WAC: variants seen among roughly 807,000 people sequenced by gnomAD.
WAC encodes WW domain containing adaptor with coiled-coil.
In WAC, 11 loss-of-function variants were observed where a neutral mutation model predicts 79.6. That is an observed-to-expected ratio of 0.14 (90% CI 0.09 to 0.23). The LOEUF (loss-of-function observed/expected upper bound fraction) is 0.23, where lower values mean the gene tolerates loss of function less well. WAC is among the 10% of genes least tolerant of loss of function. WAC has a pLI of 1.00. For missense variants in WAC, 728 were observed against 773.5 expected, an observed-to-expected ratio of 0.94 and a Z score of 0.70; for synonymous variants, 304 against 276.9, an observed-to-expected ratio of 1.10 and a Z score of -0.97.
intron 3 of WAC, among the ~76,000 whole-genome samples, chr10:28,541,239 A>C (rs1837002629): frequency 6.6e-6 from 1 of 151,966 alleles, no homozygotes; most frequent in Non-Finnish European, 1.5e-5. Flanking sequence ...AGCATCTGTT[A>C]CCTTATTCTG....
chr10:28,533,176 GC>G lies in WAC; in HGVS notation c.-403del. On this transcript the variant is annotated 5_prime_UTR_variant, in exon 1 of 14. Transcript: ENST00000354911. ...GGCGGCACCAGCGGCGGCGGCGGCG[GC>G]GGGAGGAGGAGGAGGAGAAGAAGGA... 1 of 171,886 alleles carries G rather than the reference GC, an allele frequency of 5.8e-6. No homozygotes were observed. The highest frequency in any genetic ancestry group is 1.2e-5 in the Non-Finnish European group (1 of 81,072). The allele number at this position is 171,886 out of a possible 1,614,324, so 10.6% of individuals were successfully genotyped here.
chr10:28,587,537 C>T (rs1839883330), intron 4 of WAC, among the ~76,000 whole-genome samples: 1 of 152,222 alleles, frequency 6.6e-6, no homozygotes, highest in Non-Finnish European at 1.5e-5. Flanking sequence ...TATTGGCAAC[C>T]ATCCCAGGCC....
chr10:28,533,852 G>T (rs919358200), intron 1 of WAC, 146 bp from the exon 2 acceptor site: 5 of 1,119,926 alleles, frequency 4.5e-6, no homozygotes, highest in Non-Finnish European at 6.4e-6. Context: ...GAGGCTCCGG[G>T]TTTGTGCCGT....
chr10:28,593,181 G>A (rs1052068832), intron 6 of WAC, among the ~76,000 whole-genome samples: 3 of 151,800 alleles, frequency 2.0e-5, no homozygotes, highest in African/African-American at 7.3e-5. Flanking sequence ...TAGCTGTGTT[G>A]TTGCTTTTTT....
intron 3 of WAC, among the ~76,000 whole-genome samples, chr10:28,549,561 T>C (rs748380853): frequency 6.6e-6 from 1 of 152,228 alleles, no homozygotes; most frequent in Non-Finnish European, 1.5e-5. Context: ...TTTTAAAATA[T>C]TGCAATATCT....
intron 12 of WAC, 38 bp downstream of exon 12, chr10:28,616,400 T>C: frequency 7.0e-7 from 1 of 1,434,718 alleles, no homozygotes; most frequent in Non-Finnish European, 9.3e-7. Context: ...CTTTGGATGA[T>C]TAGCAAAACA....
intron 3 of WAC, among the ~76,000 whole-genome samples, chr10:28,567,331 G>T (rs181759969): frequency 1.8e-4 from 27 of 151,854 alleles, no homozygotes; most frequent in Admixed American, 1.5e-3. Context: ...AGTGGATCCA[G>T]TGTGGATAGT....
At chr10:28,589,991 C>G in intron 5 of WAC, 140 bp downstream of exon 5, 1 of 612,988 alleles carries the variant, frequency 1.6e-6, no homozygotes, top group South Asian at 2.2e-5. Context: ...GTTGGTTGCC[C>G]CTTCGTGTTT....
rs1420855977 is a variant in WAC at position 28,538,116 on chromosome 10, A to AT, written c.274+2359_274+2360insT. 979 of 157,626 alleles carry AT rather than the reference A, an allele frequency of 6.2e-3. 5 individuals are homozygous for AT. The highest frequency in any genetic ancestry group is 0.011 in the Non-Finnish European group (761 of 70,224). The allele number at this position is 157,626 out of a possible 1,614,324, so 9.8% of individuals were successfully genotyped here. ...AGTACATCTTTGATATTCTCTCTTC[A>AT]AAAAACGTAAAATGGTGATTTTTCC... On this transcript the variant is annotated intron_variant, in intron 3 of 13. Coordinates refer to ENST00000354911, the MANE Select transcript of WAC (RefSeq NM_016628.5).
chr10:28,610,859 C>G (rs762084354), intron 9 of WAC, 38 bp downstream of exon 9: 3 of 1,520,646 alleles, frequency 2.0e-6, no homozygotes, highest in Non-Finnish European at 2.6e-6. Context: ...AGAATGGCAT[C>G]TTGATTTTGT....
intron 3 of WAC, 77 bp from the exon 4 acceptor site, chr10:28,583,322 A>G (rs1187170715): frequency 9.8e-7 from 1 of 1,017,354 alleles, no homozygotes; most frequent in African/African-American, 1.7e-5. Context: ...AATAATATCT[A>G]GTATGATAGA....
intron 8 of WAC, among the ~76,000 whole-genome samples, chr10:28,609,848 A>T (rs1484994971): frequency 2.0e-5 from 3 of 152,218 alleles, no homozygotes; most frequent in African/African-American, 4.8e-5. Context: ...TGTCTCCAAA[A>T]TAAATAGTTG....
At chr10:28,550,248 C>T (rs1837586016) in intron 3 of WAC, among the ~76,000 whole-genome samples, 1 of 150,306 alleles carries the variant, frequency 6.7e-6, no homozygotes, top group Non-Finnish European at 1.5e-5. Context: ...TCTGCCTTCT[C>T]TATAATCTAG....
intron 1 of WAC, 188 bp from the exon 2 acceptor site, chr10:28,533,810 T>C: frequency 3.1e-6 from 3 of 980,192 alleles, no homozygotes; most frequent in Non-Finnish European, 3.0e-6. Flanking sequence ...GGGGCCCGGC[T>C]TCGCGGCATT....
At chr10:28,593,267 CAG>C (rs1279730636) in intron 6 of WAC, among the ~76,000 whole-genome samples, 2 of 152,032 alleles carry the variant, frequency 1.3e-5, no homozygotes, top group African/African-American at 2.4e-5. Flanking sequence ...AACATATTGG[CAG>C]AGTGTTACCT....
At chr10:28,619,391 A>C in intron 13 of WAC, 146 bp from the exon 14 acceptor site, 1 of 607,718 alleles carries the variant, frequency 1.6e-6, no homozygotes, top group East Asian at 3.2e-5. Flanking sequence ...ACTGTAAACC[A>C]ATTTATAGTT....
intron 3 of WAC, among the ~76,000 whole-genome samples, chr10:28,543,813 C>T (rs79224600): frequency 0.018 from 2,774 of 152,310 alleles, 88 homozygotes; most frequent in African/African-American, 0.063. Flanking sequence ...AGAAAACATT[C>T]TCATGCCATA....
chr10:28,614,622 C>G lies in WAC; in HGVS notation c.1493C>G (p.Pro498Arg), dbSNP rs1198172647. Residue 498 changes from proline to arginine, a missense_variant, in exon 11 of 14, where the codon CCT (proline) becomes CGT (arginine). Coordinates refer to ENST00000354911, the MANE Select transcript of WAC (RefSeq NM_016628.5). ...GPVSQSATQQ[P>R]VTADKQQGHE... ...GTGTCACAGTCAGCCACACAGCAGCCTGTAACTGCTGACAAGCAGCAAGGT... is the reference window on the plus strand; with the variant it reads ...GTGTCACAGTCAGCCACACAGCAGCGTGTAACTGCTGACAAGCAGCAAGGT... 13 of 1,614,084 alleles carry G rather than the reference C, an allele frequency of 8.1e-6. No individual in the cohort carries two copies. The highest frequency in any genetic ancestry group is 1.1e-5 in the Non-Finnish European group (13 of 1,180,038).
intron 3 of WAC, among the ~76,000 whole-genome samples, chr10:28,580,557 T>A (rs1044559919): frequency 2.0e-5 from 3 of 152,214 alleles, no homozygotes; most frequent in Non-Finnish European, 4.4e-5. Flanking sequence ...CCCAGGCTTT[T>A]TAATGGATTA....
Sources: gnomAD v4.1 joint callset for allele counts (sites outside exome capture counted in the v4.1 genomes callset) on GRCh38, gnomAD v4.1.1 for gene constraint, MANE v1.5 for transcripts, NCBI Gene and HGNC (gene_info 2026-07-23, HGNC 2026-07-21) for gene names.